The following CCDC102B variants were observed in gnomAD, a reference collection of about 807,000 sequenced individuals.
CCDC102B encodes coiled-coil domain containing 102B.
A neutral mutation model predicts 57.4 loss-of-function variants in CCDC102B; 75 were observed. The ratio of observed to expected loss-of-function variants is 1.31; its 90% confidence interval spans 1.08 to 1.58. The LOEUF is 1.58. Among genes scored for constraint, CCDC102B ranks in the 40% most tolerant of loss-of-function variants. The pLI is 0.00. For synonymous variants in CCDC102B, 206 were observed against 201.9 expected, an observed-to-expected ratio of 1.02 and a Z score of -0.17; for missense variants, 636 against 582.6, an observed-to-expected ratio of 1.09 and a Z score of -0.94.
intron 7 of CCDC102B, among the ~76,000 whole-genome samples, chr18:69,038,728 C>T (rs1236803771): frequency 6.6e-6 from 1 of 151,882 alleles, no homozygotes; most frequent in Non-Finnish European, 1.5e-5. Flanking sequence ...AACTGATTTA[C>T]ATATTCTATA....
At position 68,857,758 on chromosome 18, in the gene CCDC102B, C is replaced by G. The variant is rs117334694; in HGVS notation, c.936+11337C>G. The stretch of plus-strand genomic sequence containing the variant: ...GCCAAAACTCCAAGGAAACTAGTGA[C>G]GTTGAATGGCTTCAGAATGTTTCAC... On this transcript the variant is annotated intron_variant, in intron 4 of 7. Coordinates refer to ENST00000360242, the MANE Select transcript of CCDC102B (RefSeq NM_024781.3). Among the ~76,000 whole-genome samples, 53 of 152,042 alleles carry G rather than the reference C, an allele frequency of 3.5e-4. No homozygotes were observed. In the East Asian group the frequency reaches 0.01, roughly 29 times the overall value.
At chr18:68,853,454 C>G (rs1229132696) in intron 4 of CCDC102B, among the ~76,000 whole-genome samples, 2 of 151,624 alleles carry the variant, frequency 1.3e-5, no homozygotes, top group Admixed American at 1.3e-4. Context: ...CTATATCGCT[C>G]TCATACTAAA....
intron 1 of CCDC102B, among the ~76,000 whole-genome samples, chr18:68,836,321 G>T (rs762120328): frequency 6.6e-6 from 1 of 152,002 alleles, no homozygotes; most frequent in Non-Finnish European, 1.5e-5. Context: ...AGTTACACTG[G>T]AAAAATATGC....
Position 68,791,182 on chromosome 18 carries a change from CT to C in CCDC102B, c.-66-32183del, listed in dbSNP as rs140747005. ...CTTGAAAGAGATTATTTAGCAAGGG[CT>C]GCCCAAATAGTTCGAGTTTACAGAT... On this transcript the variant is annotated intron_variant, in intron 2 of 3. Transcript: ENST00000578970. Among the ~76,000 whole-genome samples the C allele has an allele frequency of 7.1e-3, 1,083 of 152,298 alleles. 11 individuals carry two copies. The highest frequency in any genetic ancestry group is 0.025 in the African/African-American group (1,019 of 41,554).
chr18:69,041,769 T>G (rs2052441415), intron 7 of CCDC102B, among the ~76,000 whole-genome samples: 1 of 152,120 alleles, frequency 6.6e-6, no homozygotes, highest in Admixed American at 6.6e-5. Flanking sequence ...TCAATTGCTC[T>G]GATTTTGGTT....
At chr18:68,889,691 G>A (rs1325131689) in intron 5 of CCDC102B, among the ~76,000 whole-genome samples, 8 of 152,040 alleles carry the variant, frequency 5.3e-5, no homozygotes, top group Admixed American at 3.3e-4. Flanking sequence ...CACCCACCTC[G>A]GCCTCCCAAA....
At chr18:68,937,933 G>A (rs2145158939) in intron 6 of CCDC102B, among the ~76,000 whole-genome samples, 1 of 152,148 alleles carries the variant, frequency 6.6e-6, no homozygotes, top group South Asian at 2.1e-4. Context: ...GAAAGGACAT[G>A]AACTCATCCT....
intron 6 of CCDC102B, among the ~76,000 whole-genome samples, chr18:68,932,536 G>A (rs1172247679): frequency 6.6e-6 from 1 of 151,794 alleles, no homozygotes; most frequent in Non-Finnish European, 1.5e-5. Flanking sequence ...AATTATTTTA[G>A]TATGTTCCTT....
chr18:68,746,892 C>G (rs1599401565), intron 2 of CCDC102B, among the ~76,000 whole-genome samples: 2 of 151,830 alleles, frequency 1.3e-5, no homozygotes. Flanking sequence ...CTTATATACC[C>G]CCTTTTTATG....
intron 6 of CCDC102B, among the ~76,000 whole-genome samples, chr18:68,901,602 C>T (rs775597934): frequency 2.6e-5 from 4 of 152,142 alleles, no homozygotes; most frequent in African/African-American, 4.8e-5. Flanking sequence ...AAATAGTTGT[C>T]CTCCAAAGAA....
At chr18:68,913,314 G>GTGTGTGTGTGTGTGTA (rs1347323801) in intron 6 of CCDC102B, among the ~76,000 whole-genome samples, 2 of 146,956 alleles carry the variant, frequency 1.4e-5, no homozygotes, top group Non-Finnish European at 3.0e-5. Context: ...TAGTGTCTGT[G>GTGTGTGTGTGTGTGTA]TGTGTGTGTG....
At chr18:68,961,907 A>G (rs2050056188) in intron 6 of CCDC102B, among the ~76,000 whole-genome samples, 1 of 152,034 alleles carries the variant, frequency 6.6e-6, no homozygotes, top group Non-Finnish European at 1.5e-5. Context: ...GACTCTGCAA[A>G]TTTATTTTAT....
chr18:68,819,622 G>A (rs2036618943), intron 1 of CCDC102B, among the ~76,000 whole-genome samples: 2 of 151,902 alleles, frequency 1.3e-5, no homozygotes, highest in Non-Finnish European at 2.9e-5. Context: ...AAATTTGTGA[G>A]ATTTTGACTG....
At chr18:68,915,019 G>A (rs1466919959) in intron 6 of CCDC102B, among the ~76,000 whole-genome samples, 3 of 152,072 alleles carry the variant, frequency 2.0e-5, no homozygotes, top group Non-Finnish European at 4.4e-5. Context: ...GAGAGAGAGA[G>A]AAACGTGAAT....
intron 1 of CCDC102B, among the ~76,000 whole-genome samples, chr18:68,798,835 C>A (rs778039664): frequency 2.0e-5 from 3 of 151,862 alleles, no homozygotes; most frequent in Admixed American, 1.3e-4. Flanking sequence ...GAAAAAAAAT[C>A]TCTGGAAACC....
chr18:68,715,730 A>G (rs2031919554), intron 1 of CCDC102B: 1 of 152,180 alleles, frequency 6.6e-6, no homozygotes, highest in South Asian at 2.1e-4. Context: ...AGTATGAAAT[A>G]TTTATATTGC....
At chr18:68,748,896 T>C (rs1037270497) in intron 2 of CCDC102B, among the ~76,000 whole-genome samples, 1 of 152,184 alleles carries the variant, frequency 6.6e-6, no homozygotes, top group African/African-American at 2.4e-5. Flanking sequence ...GAATGGGACA[T>C]GCATGGTTTT....
At chr18:69,047,090 A>G (rs931540137) in intron 7 of CCDC102B, among the ~76,000 whole-genome samples, 5 of 151,828 alleles carry the variant, frequency 3.3e-5, no homozygotes, top group Non-Finnish European at 7.4e-5. Context: ...CTCTTTTTGC[A>G]GAGACACAAC....
At chr18:68,785,097 G>A (rs187359225) in intron 2 of CCDC102B, among the ~76,000 whole-genome samples, 37 of 151,228 alleles carry the variant, frequency 2.4e-4, no homozygotes, top group Admixed American at 1.8e-3. Context: ...TTGTTCTTGC[G>A]ATAGTTCACT....
Sources: gnomAD v4.1 joint callset for allele counts (sites outside exome capture counted in the v4.1 genomes callset) on GRCh38, gnomAD v4.1.1 for gene constraint, MANE v1.5 for transcripts, NCBI Gene and HGNC (gene_info 2026-07-23, HGNC 2026-07-21) for gene names.